CDK6: variants seen among roughly 807,000 people sequenced by gnomAD.
The protein encoded by CDK6 is cyclin dependent kinase 6.
A neutral mutation model predicts 37.1 loss-of-function variants in CDK6; 6 were observed. The ratio of observed to expected loss-of-function variants is 0.16; its 90% CI spans 0.09 to 0.32. The LOEUF is 0.32. Among genes scored for constraint, CDK6 ranks in the 10% least tolerant of loss-of-function variants. The pLI is 1.00. For missense variants in CDK6, 224 were observed against 418.9 expected, an observed-to-expected ratio of 0.53 and a Z score of 4.06; for synonymous variants, 160 against 161.3, an observed-to-expected ratio of 0.99 and a Z score of 0.06.
intron 5 of CDK6, 136 bp downstream of exon 5, chr7:92,671,290 G>C: frequency 8.0e-6 from 4 of 500,090 alleles, no homozygotes; most frequent in Admixed American, 3.9e-5. Context: ...GGACAGGCTT[G>C]CAAGTGGTAG....
At chr7:92,780,775 A>C (rs1346254619) in intron 2 of CDK6, among the ~76,000 whole-genome samples, 16 of 151,404 alleles carry the variant, frequency 1.1e-4, no homozygotes, top group Admixed American at 9.9e-4. Flanking sequence ...AAAAAAAAAA[A>C]AAAACAAAAA....
At chr7:92,740,256 T>G (rs1798888374) in intron 3 of CDK6, among the ~76,000 whole-genome samples, 1 of 152,264 alleles carries the variant, frequency 6.6e-6, no homozygotes, top group African/African-American at 2.4e-5. Context: ...ATCTCTGTTC[T>G]GTTGCAATGC....
intron 2 of CDK6, among the ~76,000 whole-genome samples, chr7:92,826,490 A>G (rs1366242612): frequency 2.0e-5 from 3 of 152,132 alleles, no homozygotes; most frequent in Non-Finnish European, 1.5e-5. Flanking sequence ...AGAGGTACCA[A>G]GTGCACATTC....
intron 3 of CDK6, among the ~76,000 whole-genome samples, chr7:92,768,038 T>C (rs984369794): frequency 1.3e-5 from 2 of 152,056 alleles, no homozygotes; most frequent in Non-Finnish European, 2.9e-5. Context: ...TGTAAAAAGC[T>C]ACATTAATGG....
At chr7:92,721,080 C>A (rs910783662) in intron 4 of CDK6, among the ~76,000 whole-genome samples, 1 of 152,030 alleles carries the variant, frequency 6.6e-6, no homozygotes, top group African/African-American at 2.4e-5. Flanking sequence ...TAAAAATAAC[C>A]CATGCCAGGT....
intron 4 of CDK6, among the ~76,000 whole-genome samples, chr7:92,715,005 C>T (rs529594783): frequency 6.6e-6 from 1 of 152,162 alleles, no homozygotes; most frequent in African/African-American, 2.4e-5. Flanking sequence ...GAACTGATAC[C>T]ATGTGCAGTC....
intron 2 of CDK6, among the ~76,000 whole-genome samples, chr7:92,796,637 T>C (rs1322047033): frequency 6.6e-6 from 1 of 152,150 alleles, no homozygotes; most frequent in Non-Finnish European, 1.5e-5. Flanking sequence ...AAACACATTA[T>C]TTTTTATTCA....
intron 4 of CDK6, among the ~76,000 whole-genome samples, chr7:92,699,611 G>C (rs1285977118): frequency 1.3e-5 from 2 of 152,114 alleles, no homozygotes; most frequent in Non-Finnish European, 2.9e-5. Flanking sequence ...AGATTTATGA[G>C]ACATTTACAA....
chr7:92,827,701 G>A (rs1038996683), intron 2 of CDK6, among the ~76,000 whole-genome samples: 2 of 152,092 alleles, frequency 1.3e-5, no homozygotes, highest in African/African-American at 4.8e-5. Flanking sequence ...CTGCCTCCTG[G>A]ATCTTGGACA....
rs1277716465 is a variant in CDK6 at position 92,609,005 on chromosome 7, G to A, written c.*6135C>T. On this transcript the variant is annotated 3_prime_UTR_variant, in exon 8 of 8. Coordinates refer to ENST00000424848, the MANE Select transcript of CDK6 (RefSeq NM_001145306.2). ...GTGGAATTCGGCCTTTCGCATAGGG[G>A]CTTTAACTGGACTCTAGTTCCTGGG... is the stretch of plus-strand genomic sequence containing the variant. 2.1e-5 allele frequency: 5 copies of A among 233,278 alleles called. No individual in the cohort carries two copies. Among genetic ancestry groups the A allele is most frequent in the Non-Finnish European group, 4.2e-5 (5 of 118,104 alleles). 14.5% of individuals were successfully genotyped at this position (233,278 alleles called of 1,614,324 possible).
chr7:92,796,350 T>A (rs925002728), intron 2 of CDK6, among the ~76,000 whole-genome samples: 10 of 152,238 alleles, frequency 6.6e-5, no homozygotes, highest in African/African-American at 2.2e-4. Flanking sequence ...TCATAGTTTT[T>A]ACTGACTTGT....
Position 92,609,938 on chromosome 7 carries a change from T to C in CDK6, c.*5202A>G. 4.3e-6 allele frequency: 1 copy of C among 230,298 alleles called. No homozygotes were observed. The highest frequency in any genetic ancestry group is 8.6e-6 in the Non-Finnish European group (1 of 116,328). The allele number at this position is 230,298 out of a possible 1,614,324, so 14.3% of individuals were successfully genotyped here. ...AGAACCTAGGTAACAAGTAAAATATTGAAGTTACAGAACATTATAGAGACT... is the reference window on the plus strand; with the variant it reads ...AGAACCTAGGTAACAAGTAAAATATCGAAGTTACAGAACATTATAGAGACT... On this transcript the variant is annotated 3_prime_UTR_variant, in exon 8 of 8. Transcript: ENST00000424848.
chr7:92,627,788 T>C (rs1309961085), intron 5 of CDK6, among the ~76,000 whole-genome samples: 1 of 152,072 alleles, frequency 6.6e-6, no homozygotes, highest in Non-Finnish European at 1.5e-5. Context: ...GTGAATTGTG[T>C]GGTTATATCA....
At chr7:92,763,743 T>A (rs772577363) in intron 3 of CDK6, among the ~76,000 whole-genome samples, 4 of 152,228 alleles carry the variant, frequency 2.6e-5, no homozygotes, top group Non-Finnish European at 5.9e-5. Flanking sequence ...ATATTCCAGA[T>A]GTCTGAGTCA....
intron 5 of CDK6, among the ~76,000 whole-genome samples, chr7:92,642,758 T>A (rs1395730466): frequency 6.6e-6 from 1 of 152,124 alleles, no homozygotes; most frequent in African/African-American, 2.4e-5. Flanking sequence ...TAATGATAAC[T>A]CATCATCATT....
intron 4 of CDK6, chr7:92,725,144 G>A (rs1430871615): frequency 1.0e-6 from 1 of 985,266 alleles, no homozygotes; most frequent in Non-Finnish European, 1.2e-6. Flanking sequence ...CATCATCCAA[G>A]TTCACTGTGA....
At chr7:92,772,034 G>C (rs906539504) in intron 3 of CDK6, among the ~76,000 whole-genome samples, 11 of 151,984 alleles carry the variant, frequency 7.2e-5, no homozygotes, top group Non-Finnish European at 1.3e-4. Flanking sequence ...AAATAATTTT[G>C]TATCAGTTAT....
intron 4 of CDK6, among the ~76,000 whole-genome samples, chr7:92,712,305 A>C (rs1798113907): frequency 6.6e-6 from 1 of 152,212 alleles, no homozygotes; most frequent in Admixed American, 6.5e-5. Flanking sequence ...TCTCTAAAAA[A>C]TTGTCTACTA....
intron 5 of CDK6, among the ~76,000 whole-genome samples, chr7:92,650,029 A>G (rs1796537257): frequency 6.6e-6 from 1 of 152,046 alleles, no homozygotes; most frequent in African/African-American, 2.4e-5. Context: ...TGCCAAAACA[A>G]TCTCCCCTTT....
Sources: allele counts gnomAD v4.1 joint callset (sites outside exome capture counted in the v4.1 genomes callset), GRCh38; gene constraint gnomAD v4.1.1; transcripts MANE v1.5; gene names NCBI Gene and HGNC (gene_info 2026-07-23, HGNC 2026-07-21).